The following GAA variants were observed in gnomAD, a reference collection of about 807,000 sequenced individuals.
GAA encodes the protein lysosomal alpha-glucosidase.
In GAA, 88 loss-of-function variants were observed where a neutral mutation model predicts 103.9. That is an observed-to-expected ratio of 0.85 (90% CI 0.71 to 1.01). The LOEUF (loss-of-function observed/expected upper bound fraction) is 1.01. Among genes scored for constraint, GAA ranks in the 50% least tolerant of loss-of-function variants. The pLI is 0.00. For synonymous variants in GAA, 572 were observed against 563.1 expected (o/e 1.02, Z -0.22); for missense variants, 1,350 against 1,305.3 (o/e 1.03, Z -0.53).
chr17:80,107,961 G>T, intron 5 of GAA, 65 bp downstream of exon 5: 4 of 1,471,734 alleles, frequency 2.7e-6, no homozygotes, highest in African/African-American at 1.4e-5. Context: ...CTGGAGACTG[G>T]AGGTCCGCAT....
rs553789021 is a variant in GAA, at chr17:80,107,063, C to T, written c.693-494C>T. ...ACAGAGGACGCGTCTTCCTGTGGACCGGGTTTATCTGCGGCTTTCATTTCT... is the reference window on the plus strand; with the variant it reads ...ACAGAGGACGCGTCTTCCTGTGGACTGGGTTTATCTGCGGCTTTCATTTCT... On this transcript the variant is annotated intron_variant, in intron 3 of 19. Transcript: ENST00000302262. Among the ~76,000 whole-genome samples, 23 of 152,194 alleles carry T rather than the reference C, an allele frequency of 1.5e-4. 1 individual carries two copies. Among genetic ancestry groups the T allele is most frequent in the Non-Finnish European group, 4.4e-5 (3 of 68,006 alleles).
chr17:80,117,067 G>T lies in GAA; in HGVS notation c.2289G>T (p.Val763=). 1.2e-6 allele frequency: 2 copies of T among 1,613,416 alleles called. No homozygotes were observed. Among genetic ancestry groups the T allele is most frequent in the South Asian group, 1.1e-5 (1 of 91,082 alleles). Residue 763 remains valine (V), a synonymous_variant, in exon 16 of 20, where the codon GTG becomes GTT. Transcript: ENST00000302262. The stretch of plus-strand genomic sequence containing the variant: ...TGCTCCAGGCCGGGAAGGCCGAAGT[G>T]ACTGGCTACTTCCCCTTGGGCACAT... The part of the protein sequence containing the change: ...TPVLQAGKAE[V]TGYFPLGTWY...
At chr17:80,115,498 C>G (rs187882370) in intron 15 of GAA, among the ~76,000 whole-genome samples, 2 of 152,182 alleles carry the variant, frequency 1.3e-5, no homozygotes, top group African/African-American at 4.8e-5. Context: ...TCTTCAGACA[C>G]GGTTTCGCTG....
At chr17:80,108,222 A>G (rs1167619544) in intron 5 of GAA, 68 bp from the exon 6 acceptor site, 2 of 1,612,278 alleles carry the variant, frequency 1.2e-6, no homozygotes, top group African/African-American at 1.3e-5. Context: ...TGATTGGCCC[A>G]TCTGTGGGGT....
rs895612400 is a variant in GAA at position 80,108,295 on chromosome 17, G to T, written c.961G>T (p.Val321Phe). ...CAGAGCTGCTTCCCTTCCAGATGTGGTCCTGCAGCCGAGCCCTGCCCTTAG... is the reference window on the plus strand; with the variant it reads ...CAGAGCTGCTTCCCTTCCAGATGTGTTCCTGCAGCCGAGCCCTGCCCTTAG... ...FLLNSNAMDV[V>F]LQPSPALSWR... Residue 321 changes from valine (V) to phenylalanine (F), a missense_variant, in exon 6 of 20, where the codon GTC (valine) becomes TTC (phenylalanine). Val to Phe is a conservative substitution (Grantham distance 50). Coordinates refer to ENST00000302262, the MANE Select transcript of GAA (RefSeq NM_000152.5). 1 of 1,613,584 alleles carries T rather than the reference G, an allele frequency of 6.2e-7. No individual in the cohort carries two copies. Among genetic ancestry groups the T allele is most frequent in the South Asian group, 1.1e-5 (1 of 91,086 alleles).
chr17:80,106,462 G>C (rs77910397), intron 3 of GAA, among the ~76,000 whole-genome samples: 31 of 38,186 alleles, frequency 8.1e-4, no homozygotes, highest in South Asian at 1.7e-3. Flanking sequence ...CTGGAAGCCA[G>C]CTGTGCAGAT....
intron 15 of GAA, among the ~76,000 whole-genome samples, chr17:80,114,115 T>C (rs1190340924): frequency 6.6e-6 from 1 of 151,080 alleles, no homozygotes; most frequent in Non-Finnish European, 1.5e-5. Context: ...AGGTGAACTT[T>C]ATTTGACCAT....
chr17:80,114,124 A>G (rs897638992), intron 15 of GAA, among the ~76,000 whole-genome samples: 21 of 152,112 alleles, frequency 1.4e-4, no homozygotes, highest in Non-Finnish European at 2.2e-4. Context: ...TTATTTGACC[A>G]TAGCAGAAAA....
At chr17:80,112,275 G>A (rs1193524483) in intron 12 of GAA, 175 bp downstream of exon 12, 59 of 697,272 alleles carry the variant, frequency 8.5e-5, no homozygotes, top group South Asian at 7.3e-4. Context: ...AAGCTGGAGC[G>A]CTCCTTCCCA....
rs1043306141 is a variant in GAA at position 80,118,302 on chromosome 17, G to A, written c.2591G>A (p.Ser864Asn). The stretch of plus-strand genomic sequence containing the variant: ...GAGCTGTTCTGGGACGATGGAGAGA[G>A]CCTGGAAGTGCTGGAGCGAGGGGCC... ...RGELFWDDGE[S>N]LEVLERGAYT... The change falls in exon 18 of 20, where the codon AGC (serine) becomes AAC (asparagine). Residue 864 changes from serine to asparagine, a missense_variant. Transcript: ENST00000302262. 1 of 1,592,336 alleles carries A rather than the reference G, an allele frequency of 6.3e-7. No individual in the cohort carries two copies. Among genetic ancestry groups the A allele is most frequent in the East Asian group, 2.2e-5 (1 of 44,530 alleles).
At chr17:80,110,917 C>G in intron 10 of GAA, 24 bp from the exon 11 acceptor site, 1 of 1,613,854 alleles carries the variant, frequency 6.2e-7, no homozygotes, top group Non-Finnish European at 8.5e-7. Flanking sequence ...GCAGAGTCAC[C>G]TACCAGCAGC....
rs368539333 is a variant in GAA, at chr17:80,108,610, G to C, written c.1194+3G>C. Reference sequence around the variant, plus strand: ...TGACCAGGGCCCACTTCCCCCTGGTGAGTTGGGGTGGTGGCAGGGGAGGCA... The same window carrying C: ...TGACCAGGGCCCACTTCCCCCTGGTCAGTTGGGGTGGTGGCAGGGGAGGCA... On this transcript the variant is annotated splice_donor_region_variant and intron_variant, in intron 7 of 19. Transcript: ENST00000302262. 2.5e-4 allele frequency: 396 copies of C among 1,612,662 alleles called. No individual in the cohort carries two copies. Among genetic ancestry groups the C allele is most frequent in the Non-Finnish European group, 3.2e-4 (376 of 1,179,920 alleles).
At position 80,106,972 on chromosome 17, in the gene GAA, T is replaced by C. The variant is rs8068555; in HGVS notation, c.693-585T>C. Among the ~76,000 whole-genome samples the C allele has an allele frequency of 0.65, 99,585 of 152,064 alleles. 33,465 individuals carry two copies. Among genetic ancestry groups the C allele is most frequent in the Middle Eastern group, 0.85 (250 of 294 alleles). On this transcript the variant is annotated intron_variant, in intron 3 of 19. Transcript: ENST00000302262. ...ATCTCGGTCTTGAAAGCACTCAGCGTAGTCTTGCCCAGGGGAGGGTGGGTG... is the reference window on the plus strand; with the variant it reads ...ATCTCGGTCTTGAAAGCACTCAGCGCAGTCTTGCCCAGGGGAGGGTGGGTG...
rs748791601 is a variant in GAA at position 80,117,586 on chromosome 17, A to T, written c.2332-14A>T. 6.2e-7 allele frequency: 1 copy of T among 1,612,784 alleles called. No individual in the cohort carries two copies. Among genetic ancestry groups the T allele is most frequent in the Non-Finnish European group, 8.5e-7 (1 of 1,179,904 alleles). On this transcript the variant is annotated splice_polypyrimidine_tract_variant and intron_variant, in intron 16 of 19. Transcript: ENST00000302262. ...GGCACGGCCCAGAATCCTCAAAGCAACATCTCCCTCCAGGTGCCAGTAGAG... is the reference window on the plus strand; with the variant it reads ...GGCACGGCCCAGAATCCTCAAAGCATCATCTCCCTCCAGGTGCCAGTAGAG...
rs532626257 is a variant in GAA, at chr17:80,118,526, G to A, written c.2647-127G>A. On this transcript the variant is annotated intron_variant, in intron 18 of 19. Transcript: ENST00000302262. The stretch of plus-strand genomic sequence containing the variant: ...GTGGGGCCGTGCACTCTGCCCTTTC[G>A]TGTACACAGAGGGAGGTCACCTCCC... 96 of 1,390,714 alleles carry A rather than the reference G, an allele frequency of 6.9e-5. 1 individual carries two copies. The South Asian group carries it at 8.6e-4, about 12-fold the overall frequency. 86.1% of individuals were successfully genotyped at this position (1,390,714 alleles called of 1,614,324 possible). A position where few individuals can be genotyped will look rare whatever the true frequency, so the allele number is the denominator to read the frequency against.
rs768847441 is a variant in GAA at position 80,108,821 on chromosome 17, T to C, written c.1319T>C (p.Met440Thr). 6.3e-7 allele frequency: 1 copy of C among 1,592,086 alleles called. No individual in the cohort carries two copies. The highest frequency in any genetic ancestry group is 8.5e-7 in the Non-Finnish European group (1 of 1,169,714). ...ELHQGGRRYM[M>T]IVDPAISSSG... ...CACCAGGGCGGCCGGCGCTACATGA[T>C]GATCGTGGTGTGTGCCCCCACACTG... Residue 440 changes from methionine to threonine, a missense_variant, in exon 8 of 20, where the codon ATG becomes ACG. Coordinates refer to ENST00000302262, the MANE Select transcript of GAA (RefSeq NM_000152.5).
chr17:80,118,163 T>C (rs1161718423), intron 17 of GAA, 30 bp from the exon 18 acceptor site: 1 of 1,611,720 alleles, frequency 6.2e-7, no homozygotes, highest in Non-Finnish European at 8.5e-7. Context: ...AGGGTGGGGA[T>C]GATGACATCA....
intron 9 of GAA, 61 bp downstream of exon 9, chr17:80,110,116 G>C (rs1005805468): frequency 4.3e-5 from 57 of 1,339,232 alleles, no homozygotes; most frequent in Non-Finnish European, 5.8e-5. Flanking sequence ...AGGGGGAGCC[G>C]GCAGCTGCTC....
Position 80,107,576 on chromosome 17 carries a change from C to T in GAA, c.712C>T (p.Pro238Ser), listed in dbSNP as rs1294294268. The T allele has an allele frequency of 2.5e-6, 4 of 1,613,106 alleles. No individual in the cohort carries two copies. Among genetic ancestry groups the T allele is most frequent in the Admixed American group, 1.7e-5 (1 of 60,024 alleles). ...GRVLLNTTVA[P>S]LFFADQFLQL... ...CCGCAGGCTGAACACGACGGTGGCGCCCCTGTTCTTTGCGGACCAGTTCCT... is the reference window on the plus strand; with the variant it reads ...CCGCAGGCTGAACACGACGGTGGCGTCCCTGTTCTTTGCGGACCAGTTCCT... The change falls in exon 4 of 20, where the codon CCC (proline) becomes TCC (serine). Residue 238 changes from proline (P) to serine (S), a missense_variant. Physicochemically the swap from Pro to Ser is moderately conservative, Grantham distance 74 (BLOSUM62 -1). Coordinates refer to ENST00000302262, the MANE Select transcript of GAA (RefSeq NM_000152.5).
Sources: allele counts gnomAD v4.1 joint callset (sites outside exome capture counted in the v4.1 genomes callset), GRCh38; gene constraint gnomAD v4.1.1; transcripts MANE v1.5; gene names NCBI Gene and HGNC (gene_info 2026-07-23, HGNC 2026-07-21).